Variants in TAF4 observed in about 807,000 individuals in gnomAD.
The protein encoded by TAF4 is transcription initiation factor TFIID subunit 4.
Under a neutral mutation model 90.3 loss-of-function variants are expected in TAF4, and 9 were observed. The ratio of observed to expected loss-of-function variants is 0.10; its 90% CI spans 0.06 to 0.17. The LOEUF is 0.17. TAF4 is among the 10% of genes least tolerant of loss of function. The pLI is 1.00. For synonymous variants in TAF4, 818 were observed against 638.9 expected (o/e 1.28, Z -4.23); for missense variants, 1,351 against 1,370.7 (o/e 0.99, Z 0.23).
chr20:62,014,854 A>C, intron 1 of TAF4, 147 bp from the exon 2 acceptor site: 4 of 1,096,276 alleles, frequency 3.6e-6, no homozygotes, highest in Non-Finnish European at 5.1e-6. Context: ...AACTCAAAAC[A>C]CACTTGTGAG....
At chr20:62,027,867 GA>G (rs2055883325) in intron 1 of TAF4, among the ~76,000 whole-genome samples, 1 of 152,240 alleles carries the variant, frequency 6.6e-6, no homozygotes, top group Non-Finnish European at 1.5e-5. Flanking sequence ...CAGTGACTGA[GA>G]AACAGCCTCC....
chr20:61,993,712 G>A (rs1243548312), intron 14 of TAF4, among the ~76,000 whole-genome samples: 1 of 152,066 alleles, frequency 6.6e-6, no homozygotes, highest in Non-Finnish European at 1.5e-5. Flanking sequence ...AAAAGGGTGG[G>A]GGATCTCCCA....
chr20:61,990,367 G>A (rs141914214), intron 14 of TAF4, among the ~76,000 whole-genome samples: 2 of 152,300 alleles, frequency 1.3e-5, no homozygotes, highest in South Asian at 2.1e-4. Flanking sequence ...CAAAGTTAAT[G>A]TATTCTGGAA....
chr20:61,986,872 C>T (rs1568922644), intron 14 of TAF4, among the ~76,000 whole-genome samples: 1 of 152,170 alleles, frequency 6.6e-6, no homozygotes, highest in Non-Finnish European at 1.5e-5. Flanking sequence ...AACAGAAAGA[C>T]AGAAATAGAA....
chr20:62,007,591 C>A lies in TAF4; in HGVS notation c.1930G>T (p.Glu644Ter). Residue 644 changes from glutamate to a stop codon, truncating the protein, a stop_gained, in exon 6 of 15, where the codon GAA becomes TAA. Transcript: ENST00000252996. LOFTEE classifies it high-confidence loss of function. ...TAAGGTTGAGGTGAAGAATTAAGTT[C>A]TCGGTATAACCTGCTTGTGAAATCT... ...AEDFTSRLYR[E>*]LNSSPQPYLV... 6.2e-7 allele frequency: 1 copy of A among 1,610,584 alleles called. No individual in the cohort carries two copies. Among genetic ancestry groups the A allele is most frequent in the South Asian group, 1.1e-5 (1 of 90,388 alleles).
intron 1 of TAF4, among the ~76,000 whole-genome samples, chr20:62,032,273 G>A (rs2087914707): frequency 6.6e-6 from 1 of 152,216 alleles, no homozygotes; most frequent in South Asian, 2.1e-4. Context: ...CCGAACTCCT[G>A]CTCCCTGAGC....
At chr20:62,047,936 C>A (rs1440805644) in intron 1 of TAF4, among the ~76,000 whole-genome samples, 1 of 152,210 alleles carries the variant, frequency 6.6e-6, no homozygotes, top group Non-Finnish European at 1.5e-5. Flanking sequence ...CTGCCTGACA[C>A]CGGCAACCCT....
chr20:61,977,522 G>T (rs373653482), intron 14 of TAF4, among the ~76,000 whole-genome samples: 1 of 151,672 alleles, frequency 6.6e-6, no homozygotes, highest in African/African-American at 2.4e-5. Flanking sequence ...CCCCTTCCCC[G>T]TTCTGCCACT....
chr20:61,999,364 T>G (rs1246924636), intron 11 of TAF4, among the ~76,000 whole-genome samples: 1 of 152,240 alleles, frequency 6.6e-6, no homozygotes, highest in Non-Finnish European at 1.5e-5. Context: ...TACACTTTGA[T>G]GCTGTCAGAT....
intron 14 of TAF4, among the ~76,000 whole-genome samples, chr20:61,994,174 G>C (rs1379986671): frequency 6.6e-5 from 10 of 151,806 alleles, no homozygotes; most frequent in African/African-American, 2.4e-4. Context: ...AACTCTAAGT[G>C]CTCTTCTCGA....
At chr20:62,061,341 G>A (rs1231058419) in intron 1 of TAF4, among the ~76,000 whole-genome samples, 1 of 152,206 alleles carries the variant, frequency 6.6e-6, no homozygotes, top group Admixed American at 6.5e-5. Context: ...CATTCACCTG[G>A]GAGTACTCAT....
rs139021129 is a variant in TAF4 at position 62,006,034 on chromosome 20, A to T, written c.2223+476T>A. On this transcript the variant is annotated intron_variant, in intron 7 of 14. Transcript: ENST00000252996. This position sits in a 1 kb window ranked among gnomAD's most constrained non-coding sequence, Gnocchi z 7.0. ...CAAGAAAGCCAGATCCAAACTGCAC[A>T]TAAGTGAACCGCTATGAGCAGCCGC... 1 of 154,336 alleles carries T rather than the reference A, an allele frequency of 6.5e-6. No homozygotes were observed. Among genetic ancestry groups the T allele is most frequent in the African/African-American group, 2.4e-5 (1 of 41,558 alleles). 9.6% of individuals were successfully genotyped at this position (154,336 alleles called of 1,614,324 possible). A position where few individuals can be genotyped will look rare whatever the true frequency, so the allele number is the denominator to read the frequency against.
At chr20:61,989,540 T>G (rs570813309) in intron 14 of TAF4, among the ~76,000 whole-genome samples, 106 of 106,726 alleles carry the variant, frequency 9.9e-4, no homozygotes, top group African/African-American at 3.9e-3. Context: ...AGTGAGTGAG[T>G]GAATGAGGGA....
At chr20:61,997,784 T>G in intron 13 of TAF4, 115 bp from the exon 14 acceptor site, 1 of 1,337,364 alleles carries the variant, frequency 7.5e-7, no homozygotes. Context: ...CATAACTTCT[T>G]TAATGTTTTG....
In TAF4 at chr20:62,064,041, C is replaced by T. The variant is rs557798392; in HGVS notation, c.1360+410G>A. On this transcript the variant is annotated intron_variant, in intron 1 of 14. Transcript: ENST00000252996. ...AGCAGGGGACAGCTGCTGCCACTCACAGCCCCAGGTACTGCCCTCAGCTCT... is the reference window on the plus strand; with the variant it reads ...AGCAGGGGACAGCTGCTGCCACTCATAGCCCCAGGTACTGCCCTCAGCTCT... 2.0e-4 allele frequency among the ~76,000 whole-genome samples: 30 copies of T among 152,356 alleles called. No homozygotes were observed. In the South Asian group the frequency reaches 6.2e-3, roughly 32 times the overall value.
chr20:61,985,087 C>T (rs1432529740), intron 14 of TAF4, among the ~76,000 whole-genome samples: 1 of 128,112 alleles, frequency 7.8e-6, no homozygotes, highest in African/African-American at 2.9e-5. Context: ...TCTTTCTATA[C>T]GTTTTTGTAC....
intron 11 of TAF4, among the ~76,000 whole-genome samples, chr20:61,999,843 G>C (rs558379574): frequency 3.9e-5 from 6 of 152,324 alleles, no homozygotes; most frequent in Admixed American, 6.5e-5. Flanking sequence ...CAGCTACTTG[G>C]GAGGCGAAGG....
intron 1 of TAF4, among the ~76,000 whole-genome samples, chr20:62,045,249 C>T (rs2055986682): frequency 6.6e-6 from 1 of 152,230 alleles, no homozygotes; most frequent in South Asian, 2.1e-4. Flanking sequence ...CACCTCCTGG[C>T]CCATGCACCC....
intron 1 of TAF4, among the ~76,000 whole-genome samples, chr20:62,044,666 T>C (rs374859817): frequency 6.6e-6 from 1 of 152,180 alleles, no homozygotes; most frequent in African/African-American, 2.4e-5. Context: ...AGTAAGTAAA[T>C]ATGTTTATGT....
Sources: allele counts gnomAD v4.1 joint callset (sites outside exome capture counted in the v4.1 genomes callset), GRCh38; gene constraint gnomAD v4.1.1; non-coding constraint Gnocchi (gnomAD v3.1); transcripts MANE v1.5; gene names NCBI Gene and HGNC (gene_info 2026-07-23, HGNC 2026-07-21).